The following SPTBN1 variants were observed in gnomAD, a reference collection of about 807,000 sequenced individuals.
The protein encoded by SPTBN1 is spectrin beta chain, non-erythrocytic 1.
Under a neutral mutation model 266.4 loss-of-function variants are expected in SPTBN1, and 32 were observed. That is an observed-to-expected ratio of 0.12 (90% CI 0.09 to 0.16). The LOEUF is 0.16. SPTBN1 is among the 10% of genes least tolerant of loss of function. The pLI is 1.00. For synonymous variants in SPTBN1, 1,336 were observed against 1,162.2 expected, an observed-to-expected ratio of 1.15 and a Z score of -3.04; for missense variants, 2,296 against 3,067.1, an observed-to-expected ratio of 0.75 and a Z score of 5.94.
chr2:54,650,003 C>A lies in SPTBN1; in HGVS notation c.5577+14C>A. The A allele has an allele frequency of 6.3e-7, 1 of 1,598,216 alleles. No homozygotes were observed. The highest frequency in any genetic ancestry group is 8.5e-7 in the Non-Finnish European group (1 of 1,171,530). ...CTGGGCACACAGGTGGGTATGGCAG[C>A]CACCCAGGGGTGCTGGGGAGGCTTT... On this transcript the variant is annotated intron_variant, in intron 26 of 35. Transcript: ENST00000356805.
At chr2:54,456,902 G>C (rs1273916743) in intron 1 of SPTBN1, among the ~76,000 whole-genome samples, 1 of 150,986 alleles carries the variant, frequency 6.6e-6, no homozygotes, top group African/African-American at 2.4e-5. Flanking sequence ...CCCCTGACGC[G>C]GAGGCCCCTG....
intron 1 of SPTBN1, among the ~76,000 whole-genome samples, chr2:54,492,128 C>T (rs1023754031): frequency 6.6e-6 from 1 of 152,022 alleles, no homozygotes; most frequent in Non-Finnish European, 1.5e-5. Flanking sequence ...AAGAATATTC[C>T]TGTAATCCTA....
intron 1 of SPTBN1, among the ~76,000 whole-genome samples, chr2:54,480,247 A>C (rs1668031485): frequency 6.6e-6 from 1 of 152,210 alleles, no homozygotes; most frequent in South Asian, 2.1e-4. Flanking sequence ...GAGATACAGA[A>C]TGGTTGGGAG....
chr2:54,573,091 A>G (rs185650790), intron 2 of SPTBN1, among the ~76,000 whole-genome samples: 2 of 152,270 alleles, frequency 1.3e-5, no homozygotes, highest in East Asian at 3.9e-4. Flanking sequence ...GTTTCCTGTG[A>G]GCTCATAGTT....
intron 29 of SPTBN1, 107 bp from the exon 30 acceptor site, chr2:54,657,743 G>C: frequency 7.5e-7 from 1 of 1,333,820 alleles, no homozygotes; most frequent in Non-Finnish European, 1.1e-6. Context: ...CGATAGACTG[G>C]TTATGCAGGT....
At chr2:54,478,363 G>T (rs984854346) in intron 1 of SPTBN1, among the ~76,000 whole-genome samples, 1 of 152,040 alleles carries the variant, frequency 6.6e-6, no homozygotes, top group African/African-American at 2.4e-5. Flanking sequence ...GACCTGTAGT[G>T]GGTCCCCTGA....
Position 54,646,485 on chromosome 2 carries a change from G to T in SPTBN1, c.4866+10G>T. 1 of 1,488,122 alleles carries T rather than the reference G, an allele frequency of 6.7e-7. No homozygotes were observed. The highest frequency in any genetic ancestry group is 1.4e-5 in the South Asian group (1 of 70,004). 92.2% of individuals were successfully genotyped at this position (1,488,122 alleles called of 1,614,324 possible). On this transcript the variant is annotated intron_variant, in intron 23 of 35. Transcript: ENST00000356805. The surrounding 1 kb of genome is among the most constrained non-coding windows in gnomAD (Gnocchi z 4.4). ...AGAGGAGAAGGCCAAGGTGAGAGGA[G>T]GCGGGAAGCATCCCTGTCCCAGGAG...
At position 54,456,433 on chromosome 2, in the gene SPTBN1, G is replaced by A; in HGVS notation, c.-133G>A. ...CCCGGCCCCAGCCGCGGACAGACCC[G>A]CGGAGTCGCCTCCCGGCCCACCCGC... On this transcript the variant is annotated 5_prime_UTR_variant, in exon 1 of 36. Coordinates refer to ENST00000356805, the MANE Select transcript of SPTBN1 (RefSeq NM_003128.3). 1 of 152,260 alleles carries A rather than the reference G, an allele frequency of 6.6e-6. No individual in the cohort carries two copies. The highest frequency in any genetic ancestry group is 1.5e-5 in the Non-Finnish European group (1 of 68,080). 9.4% of individuals were successfully genotyped at this position (152,260 alleles called of 1,614,324 possible).
intron 1 of SPTBN1, among the ~76,000 whole-genome samples, chr2:54,475,398 A>T (rs1667774412): frequency 6.6e-6 from 1 of 152,158 alleles, no homozygotes; most frequent in Non-Finnish European, 1.5e-5. Context: ...CTATGCTGTT[A>T]TCTATGTTTA....
Position 54,657,917 on chromosome 2 carries a change from G to T in SPTBN1, c.6114G>T (p.Pro2038=). 6.2e-7 allele frequency: 1 copy of T among 1,614,224 alleles called. No homozygotes were observed. The highest frequency in any genetic ancestry group is 8.5e-7 in the Non-Finnish European group (1 of 1,180,044). ...VAEAWLLGQE[P]YLSSREIGQS... The stretch of plus-strand genomic sequence containing the variant: ...AGGCCTGGCTGCTTGGACAGGAGCC[G>T]TACCTATCCAGCCGAGAGATAGGCC... The change falls in exon 30 of 36, where the codon CCG becomes CCT. Residue 2038 remains proline, a synonymous_variant. Transcript: ENST00000356805.
chr2:54,577,410 A>G (rs1290508269), intron 2 of SPTBN1, among the ~76,000 whole-genome samples: 2 of 152,230 alleles, frequency 1.3e-5, no homozygotes, highest in African/African-American at 4.8e-5. Context: ...TCACAAAATC[A>G]GTCCTGTGGG....
intron 1 of SPTBN1, among the ~76,000 whole-genome samples, chr2:54,481,630 C>A (rs947077731): frequency 1.3e-5 from 2 of 152,084 alleles, no homozygotes; most frequent in African/African-American, 4.8e-5. Flanking sequence ...GGACCAATAC[C>A]GGCTTTTTAA....
intron 1 of SPTBN1, among the ~76,000 whole-genome samples, chr2:54,473,830 T>C (rs59586067): frequency 0.036 from 5,526 of 152,334 alleles, 278 homozygotes; most frequent in East Asian, 0.13. Flanking sequence ...TACACATGTA[T>C]ATGGGATGTT....
intron 29 of SPTBN1, 73 bp downstream of exon 29, chr2:54,656,071 A>G (rs552440044): frequency 3.8e-6 from 5 of 1,300,316 alleles, no homozygotes; most frequent in East Asian, 5.0e-5. Flanking sequence ...TCTTGCTTTA[A>G]TTCATTAATG....
chr2:54,464,104 A>T (rs1464185668), intron 1 of SPTBN1, among the ~76,000 whole-genome samples: 1 of 152,198 alleles, frequency 6.6e-6, no homozygotes, highest in East Asian at 1.9e-4. Context: ...TGATTAATAC[A>T]AACTTAGGGG....
chr2:54,640,513 G>A (rs1463982883), intron 18 of SPTBN1, among the ~76,000 whole-genome samples: 1 of 152,126 alleles, frequency 6.6e-6, no homozygotes, highest in Non-Finnish European at 1.5e-5. Context: ...CAGTTACAGT[G>A]GAAAGATAGA....
intron 1 of SPTBN1, among the ~76,000 whole-genome samples, chr2:54,479,886 G>A (rs1668015255): frequency 6.6e-6 from 1 of 151,620 alleles, no homozygotes. Flanking sequence ...CAAGAGGCAA[G>A]GTCTCACTGT....
intron 2 of SPTBN1, among the ~76,000 whole-genome samples, chr2:54,555,024 C>CT (rs1393675899): frequency 1.1e-4 from 16 of 152,158 alleles, no homozygotes; most frequent in Non-Finnish European, 1.8e-4. Flanking sequence ...TGCCTTTTCT[C>CT]TAAGTTTTAT....
chr2:54,615,175 TTCC>T (rs1019310378), intron 4 of SPTBN1, among the ~76,000 whole-genome samples: 27 of 152,248 alleles, frequency 1.8e-4, no homozygotes, highest in Non-Finnish European at 1.5e-5. Flanking sequence ...CCAGGTGTTT[TTCC>T]TAGTTGAAAG....
Sources: allele counts gnomAD v4.1 joint callset (sites outside exome capture counted in the v4.1 genomes callset), GRCh38; gene constraint gnomAD v4.1.1; non-coding constraint Gnocchi (gnomAD v3.1); transcripts MANE v1.5; gene names NCBI Gene and HGNC (gene_info 2026-07-23, HGNC 2026-07-21).